The following SAMD12 variants were observed in gnomAD, a reference collection of about 807,000 sequenced individuals.
SAMD12 encodes sterile alpha motif domain containing 12, also known as sterile alpha motif domain-containing protein 12.
In SAMD12, 9 loss-of-function variants were observed where a neutral mutation model predicts 15.0. The observed-to-expected ratio is 0.60, with a 90% CI of 0.36 to 1.05. The LOEUF (loss-of-function observed/expected upper bound fraction) is 1.05. Among genes scored for constraint, SAMD12 ranks in the 50% least tolerant of loss-of-function variants. The pLI is 0.01. For synonymous variants in SAMD12, 86 were observed against 90.1 expected (o/e 0.96, Z 0.25); for missense variants, 230 against 234.2 (o/e 0.98, Z 0.12).
chr8:118,367,399 G>A (rs1159374077), intron 4 of SAMD12, among the ~76,000 whole-genome samples: 1 of 152,134 alleles, frequency 6.6e-6, no homozygotes, highest in East Asian at 1.9e-4. Flanking sequence ...TTAGACTGTA[G>A]GGTCTATACT....
At chr8:118,338,070 C>T (rs1041506842) in intron 4 of SAMD12, among the ~76,000 whole-genome samples, 2 of 152,156 alleles carry the variant, frequency 1.3e-5, no homozygotes, top group Admixed American at 1.3e-4. Flanking sequence ...CAATGTAGCA[C>T]CTATCTAAAG....
chr8:118,251,739 C>T (rs1339433928), intron 4 of SAMD12, among the ~76,000 whole-genome samples: 1 of 152,020 alleles, frequency 6.6e-6, no homozygotes, highest in East Asian at 1.9e-4. Flanking sequence ...TATTCCGTAC[C>T]TAATACCTAA....
chr8:118,149,601 C>A, the SAMD12 span, among the ~76,000 whole-genome samples: 1 of 151,812 alleles, frequency 6.6e-6, no homozygotes, highest in Non-Finnish European at 1.5e-5. Flanking sequence ...TAACTTCTTT[C>A]TTCTATGGGT....
intron 4 of SAMD12, among the ~76,000 whole-genome samples, chr8:118,281,565 T>A (rs1162879119): frequency 6.6e-6 from 1 of 152,224 alleles, no homozygotes; most frequent in Non-Finnish European, 1.5e-5. Context: ...AAAGTGACAA[T>A]CCCTAGACCA....
the SAMD12 span, among the ~76,000 whole-genome samples, chr8:118,137,878 G>C: frequency 6.6e-6 from 1 of 152,124 alleles, no homozygotes; most frequent in Non-Finnish European, 1.5e-5. Context: ...GGACAAGCTT[G>C]CCAGCATGGT....
intron 4 of SAMD12, among the ~76,000 whole-genome samples, chr8:118,204,812 G>A (rs1819817499): frequency 6.6e-6 from 1 of 152,090 alleles, no homozygotes; most frequent in Admixed American, 6.6e-5. Context: ...TTGGTATCAG[G>A]ATGACAGAGA....
At chr8:118,488,868 C>T (rs1016863829) in intron 2 of SAMD12, among the ~76,000 whole-genome samples, 1 of 152,114 alleles carries the variant, frequency 6.6e-6, no homozygotes, top group Non-Finnish European at 1.5e-5. Context: ...TGGGTAAATA[C>T]CTAGGAGCAG....
At chr8:118,275,697 T>G (rs1487721105) in intron 4 of SAMD12, among the ~76,000 whole-genome samples, 1 of 152,156 alleles carries the variant, frequency 6.6e-6, no homozygotes, top group African/African-American at 2.4e-5. Flanking sequence ...TTTTTCAGTC[T>G]TTGACCCCAT....
At chr8:118,509,252 A>C (rs1180761898) in intron 2 of SAMD12, among the ~76,000 whole-genome samples, 3 of 152,192 alleles carry the variant, frequency 2.0e-5, no homozygotes, top group Non-Finnish European at 4.4e-5. Context: ...TCTTATGTGA[A>C]TGGATGTGGC....
chr8:118,360,936 A>T (rs1258228943), intron 4 of SAMD12, among the ~76,000 whole-genome samples: 1 of 152,168 alleles, frequency 6.6e-6, no homozygotes, highest in Admixed American at 6.5e-5. Flanking sequence ...AAACCTGATC[A>T]TGTCACATCT....
chr8:118,284,478 G>T (rs898421144), intron 4 of SAMD12: 1 of 404,170 alleles, frequency 2.5e-6, no homozygotes, highest in African/African-American at 2.1e-5. Context: ...CATACACAAA[G>T]AATCTGAAAT....
chr8:118,215,304 A>C (rs1811934129), intron 4 of SAMD12, among the ~76,000 whole-genome samples: 2 of 152,238 alleles, frequency 1.3e-5, no homozygotes, highest in South Asian at 4.1e-4. Flanking sequence ...TATAGAGATC[A>C]TATAACTCAC....
At chr8:118,348,670 C>G (rs1014698350) in intron 4 of SAMD12, among the ~76,000 whole-genome samples, 1 of 152,202 alleles carries the variant, frequency 6.6e-6, no homozygotes, top group Non-Finnish European at 1.5e-5. Context: ...CCGCACCCGG[C>G]CCGCTTATTA....
At chr8:118,253,575 A>G (rs550485176) in intron 4 of SAMD12, among the ~76,000 whole-genome samples, 1 of 152,268 alleles carries the variant, frequency 6.6e-6, no homozygotes, top group African/African-American at 2.4e-5. Flanking sequence ...AATGCTGACA[A>G]TGGCAGGCAT....
chr8:118,300,726 A>T (rs1586471042), intron 4 of SAMD12, among the ~76,000 whole-genome samples: 1 of 152,310 alleles, frequency 6.6e-6, no homozygotes, highest in Non-Finnish European at 1.5e-5. Context: ...GAGTTAAAGA[A>T]CTACCAGCCT....
intron 3 of SAMD12, among the ~76,000 whole-genome samples, chr8:118,420,729 C>G (rs1821957218): frequency 6.6e-6 from 1 of 151,746 alleles, no homozygotes; most frequent in African/African-American, 2.4e-5. Flanking sequence ...TCTAATTTTC[C>G]TACATTTAGT....
At chr8:118,434,372 C>A (rs941304364) in intron 3 of SAMD12, among the ~76,000 whole-genome samples, 4 of 152,162 alleles carry the variant, frequency 2.6e-5, no homozygotes, top group African/African-American at 9.7e-5. Flanking sequence ...ACCCATGGTT[C>A]GTCCATGAAG....
chr8:118,593,654 A>G (rs1827643897), intron 1 of SAMD12, among the ~76,000 whole-genome samples: 1 of 152,194 alleles, frequency 6.6e-6, no homozygotes, highest in South Asian at 2.1e-4. Context: ...AGTTTGAAAA[A>G]TTATCAGTGT....
At chr8:118,284,717 C>T (rs775297323) in intron 4 of SAMD12, 4 of 171,160 alleles carry the variant, frequency 2.3e-5, no homozygotes, top group South Asian at 1.3e-4. Context: ...CCAAGGCGGG[C>T]AGATCACGAG....
Sources: gnomAD v4.1 joint callset for allele counts (sites outside exome capture counted in the v4.1 genomes callset) on GRCh38, gnomAD v4.1.1 for gene constraint, MANE v1.5 for transcripts, NCBI Gene and HGNC (gene_info 2026-07-23, HGNC 2026-07-21) for gene names.